NEMP2: variants seen among roughly 807,000 people sequenced by gnomAD.
NEMP2 encodes UPF0571 transmembrane protein.
NEMP2 carries 53 observed loss-of-function variants against 54.2 expected under a neutral mutation model. The observed-to-expected ratio is 0.98, with a 90% confidence interval of 0.78 to 1.23. The LOEUF is 1.23. NEMP2 is among the 50% of genes most tolerant of loss of function. NEMP2 has a pLI of 0.00. For synonymous variants in NEMP2, 197 were observed against 190.3 expected, an observed-to-expected ratio of 1.04 and a Z score of -0.29; for missense variants, 455 against 511.3, an observed-to-expected ratio of 0.89 and a Z score of 1.06.
At chr2:190,568,214 T>C in the NEMP2 span, 2 of 152,156 alleles carry the variant, frequency 1.3e-5, 1 homozygote, top group African/African-American at 4.8e-5. This position sits in a 1 kb window ranked among gnomAD's most constrained non-coding sequence, Gnocchi z 4.7. Flanking sequence ...GATTTGAGCA[T>C]AGCAGCTCTG....
chr2:190,454,076 TA>T, the NEMP2 span: 2 of 152,224 alleles, frequency 1.3e-5, no homozygotes, highest in African/African-American at 4.8e-5. The surrounding 1 kb of genome is among the most constrained non-coding windows in gnomAD (Gnocchi z 4.6). Context: ...AAAATTATTG[TA>T]GGCCTCGCAA....
At chr2:190,611,993 T>A in the NEMP2 span, among the ~76,000 whole-genome samples, 7 of 151,868 alleles carry the variant, frequency 4.6e-5, no homozygotes, top group African/African-American at 1.5e-4. The surrounding 1 kb of genome is among the most constrained non-coding windows in gnomAD (Gnocchi z 5.4). Flanking sequence ...CAGCTAAGAG[T>A]CTTAGTGGCA....
At chr2:190,463,852 AAG>A in the NEMP2 span, 1 of 976,900 alleles carries the variant, frequency 1.0e-6, no homozygotes. This position sits in a 1 kb window ranked among gnomAD's most constrained non-coding sequence, Gnocchi z 4.4. Context: ...TAAAAATAAA[AAG>A]CTGAGAATGA....
chr2:190,423,340 A>G, the NEMP2 span, among the ~76,000 whole-genome samples: 5 of 152,162 alleles, frequency 3.3e-5, no homozygotes, highest in Non-Finnish European at 5.9e-5. The surrounding 1 kb of genome is among the most constrained non-coding windows in gnomAD (Gnocchi z 4.3). Context: ...CTCTATTTCA[A>G]TGATGTTGTC....
the NEMP2 span, among the ~76,000 whole-genome samples, chr2:190,615,088 T>C: frequency 6.6e-6 from 1 of 152,246 alleles, no homozygotes; most frequent in East Asian, 1.9e-4. The surrounding 1 kb of genome is among the most constrained non-coding windows in gnomAD (Gnocchi z 4.7). Context: ...CATTGACCAA[T>C]TGTCTGACAC....
rs1690841925 is a variant in NEMP2, at chr2:190,523,983, G to T, written c.213+1280C>A. ...TCTGGGAGGCTGAGGCAGGCAGATT[G>T]CTTGAGTCCCGGAGTTCAGTAGACT... On this transcript the variant is annotated intron_variant, in intron 2 of 8. Coordinates refer to ENST00000409150, the MANE Select transcript of NEMP2 (RefSeq NM_001142645.2). This position sits in a 1 kb window ranked among gnomAD's most constrained non-coding sequence, Gnocchi z 5.3. Among the ~76,000 whole-genome samples, 1 of 151,620 alleles carries T rather than the reference G, an allele frequency of 6.6e-6. No homozygotes were observed. Among genetic ancestry groups the T allele is most frequent in the South Asian group, 2.1e-4 (1 of 4,810 alleles).
At chr2:190,442,014 C>T in the NEMP2 span, among the ~76,000 whole-genome samples, 4 of 152,094 alleles carry the variant, frequency 2.6e-5, no homozygotes, top group Non-Finnish European at 5.9e-5. Context: ...TGTGAAGAAA[C>T]AGAATACAAA....
At chr2:190,477,333 T>G in the NEMP2 span, 1 of 984,754 alleles carries the variant, frequency 1.0e-6, no homozygotes, top group Non-Finnish European at 1.2e-6. Context: ...CTTAATTGCT[T>G]TATTTATTGG....
the NEMP2 span, among the ~76,000 whole-genome samples, chr2:190,604,336 TC>T: frequency 1.3e-5 from 2 of 152,204 alleles, no homozygotes; most frequent in Non-Finnish European, 2.9e-5. This position sits in a 1 kb window ranked among gnomAD's most constrained non-coding sequence, Gnocchi z 4.5. Flanking sequence ...GACCTGAAGA[TC>T]CCTTTCTTTA....
the NEMP2 span, among the ~76,000 whole-genome samples, chr2:190,638,700 G>C: frequency 6.6e-6 from 1 of 152,234 alleles, no homozygotes; most frequent in African/African-American, 2.4e-5. The surrounding 1 kb of genome is among the most constrained non-coding windows in gnomAD (Gnocchi z 5.7). Context: ...ACCTGGGGAA[G>C]GGGTGAGGGC....
intron 2 of NEMP2, among the ~76,000 whole-genome samples, chr2:190,524,076 A>G (rs1320796145): frequency 2.0e-5 from 3 of 151,206 alleles, no homozygotes; most frequent in Non-Finnish European, 3.0e-5. Flanking sequence ...GTCAGATGTG[A>G]CAGTGCACAC....
At chr2:190,471,147 A>G in the NEMP2 span, among the ~76,000 whole-genome samples, 1 of 152,202 alleles carries the variant, frequency 6.6e-6, no homozygotes, top group African/African-American at 2.4e-5. The surrounding 1 kb of genome is among the most constrained non-coding windows in gnomAD (Gnocchi z 4.7). Flanking sequence ...GCTCCAGTCT[A>G]CAGGTCTCAG....
At chr2:190,424,614 G>A in the NEMP2 span, among the ~76,000 whole-genome samples, 1 of 152,120 alleles carries the variant, frequency 6.6e-6, no homozygotes, top group Admixed American at 6.6e-5. This position sits in a 1 kb window ranked among gnomAD's most constrained non-coding sequence, Gnocchi z 5.9. Flanking sequence ...GATTACAGGC[G>A]TGAGCCACTG....
the NEMP2 span, among the ~76,000 whole-genome samples, chr2:190,644,228 C>A: frequency 6.6e-6 from 1 of 152,050 alleles, no homozygotes; most frequent in Non-Finnish European, 1.5e-5. The surrounding 1 kb of genome is among the most constrained non-coding windows in gnomAD (Gnocchi z 4.4). Context: ...CATACTGGCA[C>A]CAATTTAAAT....
chr2:190,437,409 A>G, the NEMP2 span: 1 of 1,614,178 alleles, frequency 6.2e-7, no homozygotes, highest in East Asian at 2.2e-5. This position sits in a 1 kb window ranked among gnomAD's most constrained non-coding sequence, Gnocchi z 5.9. Context: ...TGGGTTTTGG[A>G]TATGGCTTCG....
chr2:190,613,059 GTCA>G, the NEMP2 span, among the ~76,000 whole-genome samples: 1 of 152,086 alleles, frequency 6.6e-6, no homozygotes. Context: ...AACTGTGATA[GTCA>G]TCATTAAAAG....
chr2:190,469,108 T>G, the NEMP2 span, among the ~76,000 whole-genome samples: 1 of 152,198 alleles, frequency 6.6e-6, no homozygotes, highest in Admixed American at 6.5e-5. The surrounding 1 kb of genome is among the most constrained non-coding windows in gnomAD (Gnocchi z 5.3). Flanking sequence ...AAGAGGTTGG[T>G]GTATATTTAT....
At chr2:190,636,790 T>C in the NEMP2 span, among the ~76,000 whole-genome samples, 1 of 152,220 alleles carries the variant, frequency 6.6e-6, no homozygotes. Context: ...AGCACCTTAT[T>C]TGTCACATCT....
At chr2:190,541,405 C>T in the NEMP2 span, among the ~76,000 whole-genome samples, 4 of 151,994 alleles carry the variant, frequency 2.6e-5, no homozygotes, top group Non-Finnish European at 5.9e-5. The surrounding 1 kb of genome is among the most constrained non-coding windows in gnomAD (Gnocchi z 5.2). Context: ...ATTGCTGTAT[C>T]CTATAGATTT....
Sources: allele counts gnomAD v4.1 joint callset (sites outside exome capture counted in the v4.1 genomes callset), GRCh38; gene constraint gnomAD v4.1.1; non-coding constraint Gnocchi (gnomAD v3.1); transcripts MANE v1.5; gene names NCBI Gene and HGNC (gene_info 2026-07-23, HGNC 2026-07-21).